The following SMC3 variants were observed in gnomAD, a reference collection of about 807,000 sequenced individuals.
SMC3 encodes structural maintenance of chromosomes 3.
In SMC3, 20 loss-of-function variants were observed where a neutral mutation model predicts 171.8. The observed-to-expected ratio is 0.12, with a 90% CI of 0.08 to 0.17. SMC3 has a LOEUF of 0.17. SMC3 is among the 10% of genes least tolerant of loss of function. SMC3 has a pLI of 1.00. For synonymous variants in SMC3, 464 were observed against 451.1 expected (o/e 1.03, Z -0.36); for missense variants, 543 against 1,420.4 (o/e 0.38, Z 9.93).
At position 110,567,823 on chromosome 10, in the gene SMC3, A is replaced by G. The variant is rs1860796091; in HGVS notation, c.7A>G (p.Ile3Val). The part of the protein sequence containing the change: MY[I>V]KQVIIQGFRS... ...AGGCCAGGGGCCCGGAATCATGTAC[A>G]TAAAGCAGGTAAGGCCTTCGCGTCC... The change falls in exon 1 of 29, where the codon ATA becomes GTA. Residue 3 changes from isoleucine (I) to valine (V), a missense_variant. This residue lies in a region of SMC3 where 146 missense variants were observed against 437.9 expected (regional missense o/e 0.33). Coordinates refer to ENST00000361804, the MANE Select transcript of SMC3 (RefSeq NM_005445.4). 2 of 1,613,528 alleles carry G rather than the reference A, an allele frequency of 1.2e-6. No homozygotes were observed. The highest frequency in any genetic ancestry group is 1.7e-6 in the Non-Finnish European group (2 of 1,179,782).
chr10:110,602,410 TTTTAC>T, intron 25 of SMC3, 59 bp from the exon 26 acceptor site: 2 of 1,328,624 alleles, frequency 1.5e-6, no homozygotes, highest in Non-Finnish European at 2.1e-6. Context: ...CTTTTAAATA[TTTTAC>T]TTAAGTGTTA....
intron 18 of SMC3, among the ~76,000 whole-genome samples, chr10:110,595,432 G>T (rs1861284069): frequency 3.9e-5 from 6 of 152,152 alleles, no homozygotes. Flanking sequence ...TGTACTTATG[G>T]TGTCATATAA....
At chr10:110,580,449 A>G (rs1305687547) in intron 7 of SMC3, among the ~76,000 whole-genome samples, 2 of 152,254 alleles carry the variant, frequency 1.3e-5, no homozygotes, top group Admixed American at 1.3e-4. Context: ...CCCTATTCAT[A>G]AAGGAGAGTT....
At chr10:110,602,270 A>G (rs1861399211) in intron 25 of SMC3, 92 bp downstream of exon 25, 1 of 1,204,358 alleles carries the variant, frequency 8.3e-7, no homozygotes, top group Non-Finnish European at 1.2e-6. Context: ...TGTTTTCCTC[A>G]TTACCAGGTG....
In SMC3 at chr10:110,579,525, C is replaced by G. The variant is rs546351400; in HGVS notation, c.429+819C>G. The stretch of plus-strand genomic sequence containing the variant: ...CATCCTTGATTGCCTCATCTGAAAG[C>G]ATTGCCGTCCCCTCAACCCTATGTG... On this transcript the variant is annotated intron_variant, in intron 7 of 28. Transcript: ENST00000361804. Among the ~76,000 whole-genome samples the G allele has an allele frequency of 4.6e-5, 7 of 152,282 alleles. No homozygotes were observed. The South Asian group carries it at 1.5e-3, about 32-fold the overall frequency.
intron 23 of SMC3, 44 bp downstream of exon 23, chr10:110,601,174 T>C: frequency 2.3e-6 from 3 of 1,332,822 alleles, no homozygotes; most frequent in Non-Finnish European, 3.2e-6. Context: ...GCATGTTTTA[T>C]AAAATTGTTT....
At chr10:110,604,094 CAAAAAAAAAAAAA>C in intron 28 of SMC3, 124 bp from the exon 29 acceptor site, 5 of 225,288 alleles carry the variant, frequency 2.2e-5, no homozygotes, top group East Asian at 1.1e-4. Context: ...GACTCCATCT[CAAAAAAAAAAAAA>C]AAAAAAAAAA....
chr10:110,577,052 T>G (rs1860961584), intron 4 of SMC3, among the ~76,000 whole-genome samples: 1 of 152,180 alleles, frequency 6.6e-6, no homozygotes, highest in Non-Finnish European at 1.5e-5. Context: ...GTCCCCAGTC[T>G]TGCAGTCTAA....
intron 26 of SMC3, 44 bp downstream of exon 26, chr10:110,602,709 A>G (rs746527001): frequency 1.3e-6 from 2 of 1,582,304 alleles, no homozygotes; most frequent in Non-Finnish European, 1.7e-6. Flanking sequence ...CATTACCATA[A>G]TAGAATTTAT....
At position 110,605,992 on chromosome 10, in the gene SMC3, G is replaced by A. The variant is rs1165100478; in HGVS notation, c.*1690G>A. Among the ~76,000 whole-genome samples the A allele has an allele frequency of 6.6e-6, 1 of 152,158 alleles. No individual in the cohort carries two copies. Among genetic ancestry groups the A allele is most frequent in the Non-Finnish European group, 1.5e-5 (1 of 68,016 alleles). On this transcript the variant is annotated 3_prime_UTR_variant, in exon 29 of 29. Transcript: ENST00000361804. Reference sequence around the variant, plus strand: ...CTTAAGCATTTCCCCAAGGATATTAGTATAATGAAATGCCAGTAAATTTAT... The same window carrying A: ...CTTAAGCATTTCCCCAAGGATATTAATATAATGAAATGCCAGTAAATTTAT...
intron 18 of SMC3, among the ~76,000 whole-genome samples, chr10:110,595,764 T>TA (rs1042624851): frequency 1.3e-5 from 2 of 152,116 alleles, no homozygotes; most frequent in African/African-American, 4.8e-5. Context: ...TTTAATTCAA[T>TA]ATGTTATTAC....
intron 11 of SMC3, 136 bp downstream of exon 11, chr10:110,583,684 TAA>T: frequency 8.4e-7 from 1 of 1,192,830 alleles, no homozygotes. Context: ...TGTACTCAAG[TAA>T]CAACTTGGTA....
chr10:110,573,897 A>G lies in SMC3; in HGVS notation c.130+152A>G, dbSNP rs759881834. ...GCTTAGTGTAGAGGGTTTAGAGTAT[A>G]CAGATCTGAATTCTGCTTTATACCC... is the stretch of plus-strand genomic sequence containing the variant. On this transcript the variant is annotated intron_variant, in intron 3 of 28. Transcript: ENST00000361804. The G allele has an allele frequency of 7.1e-4, 442 of 619,342 alleles. 2 individuals are homozygous for G. The highest frequency in any genetic ancestry group is 2.8e-4 in the Non-Finnish European group (98 of 347,016). 38.4% of individuals were successfully genotyped at this position (619,342 alleles called of 1,614,324 possible).
rs202036279 is a variant in SMC3 at position 110,596,862 on chromosome 10, GT to G, written c.2116+325del. ...GAATTGTACAAGTAAAACCTTGGTAGTTTTTTTTTTTTTCCCTTCTTCCCTG... is the reference window on the plus strand; with the variant it reads ...GAATTGTACAAGTAAAACCTTGGTAGTTTTTTTTTTTTCCCTTCTTCCCTG... On this transcript the variant is annotated intron_variant, in intron 19 of 28. Coordinates refer to ENST00000361804, the MANE Select transcript of SMC3 (RefSeq NM_005445.4). 0.12 allele frequency among the ~76,000 whole-genome samples: 17,106 copies of G among 145,580 alleles called. 1,129 individuals are homozygous for G. Among genetic ancestry groups the G allele is most frequent in the East Asian group, 0.26 (1,312 of 5,040 alleles).
rs2134715990 is a variant in SMC3 at position 110,575,403 on chromosome 10, T to C, written c.198T>C (p.His66=). ...CAGAACAGCGGTTGGCTTTATTGCA[T>C]GTGAGTGAGACTGCTTTAAGACATT... ...LRPEQRLALL[H]EGTGPRVISA... is the part of the protein sequence containing the mutation. The change falls in exon 4 of 29, where the codon CAT becomes CAC. Residue 66 remains histidine, a splice_region_variant and synonymous_variant. Coordinates refer to ENST00000361804, the MANE Select transcript of SMC3 (RefSeq NM_005445.4). The C allele has an allele frequency of 6.2e-7, 1 of 1,607,126 alleles. No individual in the cohort carries two copies. Among genetic ancestry groups the C allele is most frequent in the Non-Finnish European group, 8.5e-7 (1 of 1,173,772 alleles).
intron 2 of SMC3, among the ~76,000 whole-genome samples, chr10:110,570,467 C>T (rs1860854135): frequency 6.6e-6 from 1 of 151,966 alleles, no homozygotes; most frequent in South Asian, 2.1e-4. Context: ...CTACTGAAGT[C>T]ATTTAATTGA....
intron 18 of SMC3, among the ~76,000 whole-genome samples, chr10:110,594,994 A>AT (rs529113248): frequency 0.092 from 13,435 of 145,634 alleles, 1,955 homozygotes; most frequent in African/African-American, 0.31. Flanking sequence ...TCTTCTCTTT[A>AT]TTTTTTTTTT....
chr10:110,597,125 C>G (rs974716044), intron 19 of SMC3, among the ~76,000 whole-genome samples: 3 of 126,574 alleles, frequency 2.4e-5, no homozygotes, highest in Admixed American at 1.7e-4. Context: ...GCCTGGGTGA[C>G]AAAGTGGGAC....
intron 7 of SMC3, among the ~76,000 whole-genome samples, chr10:110,580,405 A>T (rs1056846829): frequency 6.6e-6 from 1 of 152,210 alleles, no homozygotes; most frequent in African/African-American, 2.4e-5. Flanking sequence ...ACTAAGAAAA[A>T]GATGGTGGTG....
Sources: gnomAD v4.1 joint callset for allele counts (sites outside exome capture counted in the v4.1 genomes callset) on GRCh38, gnomAD v4.1.1 for gene constraint, gnomAD v4.1.1 regional missense constraint, MANE v1.5 for transcripts, NCBI Gene and HGNC (gene_info 2026-07-23, HGNC 2026-07-21) for gene names.